The following SLIT2 variants were observed in gnomAD, a reference collection of about 807,000 sequenced individuals.
SLIT2 encodes slit guidance ligand 2.
SLIT2 carries 41 observed loss-of-function variants against 185.7 expected under a neutral mutation model. That is an observed-to-expected ratio of 0.22 (90% confidence interval 0.17 to 0.29). The LOEUF (loss-of-function observed/expected upper bound fraction) is 0.29. SLIT2 is among the 10% of genes least tolerant of loss of function. The pLI, the probability that SLIT2 is intolerant of heterozygous loss-of-function variation, is 1.00. For missense variants in SLIT2, 1,571 were observed against 1,909.0 expected, an observed-to-expected ratio of 0.82 and a Z score of 3.30; for synonymous variants, 693 against 680.2, an observed-to-expected ratio of 1.02 and a Z score of -0.29.
Position 20,467,740 on chromosome 4 carries a change from T to C in SLIT2, c.396-12T>C, listed in dbSNP as rs1482342945. On this transcript the variant is annotated splice_polypyrimidine_tract_variant and intron_variant, in intron 4 of 36. Transcript: ENST00000504154. Reference sequence around the variant, plus strand: ...TTTCTAACGTGATCCTTTTTGTTGTTGTTGTTTTTAGTGATCTCAGTGAAA... The same window carrying C: ...TTTCTAACGTGATCCTTTTTGTTGTCGTTGTTTTTAGTGATCTCAGTGAAA... 2 of 1,538,846 alleles carry C rather than the reference T, an allele frequency of 1.3e-6. No individual in the cohort carries two copies. The highest frequency in any genetic ancestry group is 1.8e-6 in the Non-Finnish European group (2 of 1,119,692).
intron 4 of SLIT2, among the ~76,000 whole-genome samples, chr4:20,463,762 G>T (rs10025733): frequency 0.18 from 26,558 of 150,118 alleles, 2,747 homozygotes; most frequent in Non-Finnish European, 0.23. Context: ...TGTAGTCCCA[G>T]CTACTTGGGA....
intron 3 of SLIT2, among the ~76,000 whole-genome samples, chr4:20,265,049 A>G (rs929173154): frequency 6.6e-6 from 1 of 151,970 alleles, no homozygotes; most frequent in African/African-American, 2.4e-5. Context: ...CCTCTGTGAT[A>G]TCTTTAATTC....
Position 20,568,996 on chromosome 4 carries a change from A to G in SLIT2, c.3080A>G (p.Glu1027Gly). The change falls in exon 29 of 37, where the codon GAG becomes GGG. Residue 1027 changes from glutamate to glycine, a missense_variant. By Grantham distance (98) the Glu-to-Gly change is moderately conservative. Coordinates refer to ENST00000504154, the MANE Select transcript of SLIT2 (RefSeq NM_004787.4). The stretch of plus-strand genomic sequence containing the variant: ...AACTACACATGCCTTTGCCCACCTG[A>G]GTATACAGGTACAAATAATAGGAAA... ...INNYTCLCPPEYTGELCEEKL... is the reference protein window; with the variant it reads ...INNYTCLCPPGYTGELCEEKL... The G allele has an allele frequency of 1.2e-6, 2 of 1,611,644 alleles. No individual in the cohort carries two copies. Among genetic ancestry groups the G allele is most frequent in the Non-Finnish European group, 1.7e-6 (2 of 1,178,184 alleles).
Position 20,254,022 on chromosome 4 carries a change from C to G in SLIT2, c.179+28C>G, listed in dbSNP as rs779279182. 1.0e-5 allele frequency: 16 copies of G among 1,588,210 alleles called. No individual in the cohort carries two copies. In the South Asian group the frequency reaches 1.2e-4, roughly 12 times the overall value. On this transcript the variant is annotated intron_variant, in intron 1 of 36. Coordinates refer to ENST00000504154, the MANE Select transcript of SLIT2 (RefSeq NM_004787.4). This position sits in a 1 kb window ranked among gnomAD's most constrained non-coding sequence, Gnocchi z 5.1. ...GAGTATGCGCTCTTCGTCTTCCCCT[C>G]TCCCCATCCGGGCCGCGCACCCCTG...
intron 9 of SLIT2, among the ~76,000 whole-genome samples, chr4:20,502,165 CTT>C (rs1718801310): frequency 6.6e-6 from 1 of 152,008 alleles, no homozygotes; most frequent in Non-Finnish European, 1.5e-5. Context: ...TAGAATCAAA[CTT>C]TTGTAATATT....
At chr4:20,615,724 G>A (rs1729599435) in intron 34 of SLIT2, 1 of 152,222 alleles carries the variant, frequency 6.6e-6, no homozygotes, top group Admixed American at 6.5e-5. Flanking sequence ...GAAAGGAGAA[G>A]GTGGCATAAG....
At chr4:20,476,251 AAGG>A (rs1339195988) in intron 5 of SLIT2, among the ~76,000 whole-genome samples, 1 of 152,130 alleles carries the variant, frequency 6.6e-6, no homozygotes, top group Non-Finnish European at 1.5e-5. Flanking sequence ...ATATGGAAAG[AAGG>A]AGAAGAGACC....
intron 4 of SLIT2, among the ~76,000 whole-genome samples, chr4:20,426,429 A>G (rs1408416004): frequency 6.6e-6 from 1 of 152,184 alleles, no homozygotes; most frequent in Non-Finnish European, 1.5e-5. Context: ...GTAGGGGAAA[A>G]ACAGTTTTGC....
At chr4:20,379,193 A>G (rs1023306225) in intron 4 of SLIT2, among the ~76,000 whole-genome samples, 1 of 152,172 alleles carries the variant, frequency 6.6e-6, no homozygotes, top group Non-Finnish European at 1.5e-5. Context: ...CATAAGACTC[A>G]TCAGTTGTAA....
At chr4:20,256,818 A>T in intron 2 of SLIT2, 75 bp downstream of exon 2, 1 of 689,094 alleles carries the variant, frequency 1.5e-6, no homozygotes, top group Non-Finnish European at 2.5e-6. Flanking sequence ...CTCAGTTTTT[A>T]TGACTATTCT....
chr4:20,452,732 C>G (rs1214367427), intron 4 of SLIT2, among the ~76,000 whole-genome samples: 3 of 152,190 alleles, frequency 2.0e-5, no homozygotes, highest in Non-Finnish European at 4.4e-5. Context: ...GTTGAATGCT[C>G]TCTGCACTTC....
At position 20,580,023 on chromosome 4, in the gene SLIT2, T is replaced by C. The variant is rs531157867; in HGVS notation, c.3089-9621T>C. 2.4e-3 allele frequency among the ~76,000 whole-genome samples: 339 copies of C among 142,514 alleles called. 2 individuals are homozygous for C. Among genetic ancestry groups the C allele is most frequent in the African/African-American group, 8.5e-3 (328 of 38,708 alleles). The allele number at this position is 142,514 out of a possible 152,430, so 93.5% of individuals were successfully genotyped here. ...ATATATCATATATAATATATTATTA[T>C]ATATAATATATATTATGTATATATT... On this transcript the variant is annotated intron_variant, in intron 29 of 36. Coordinates refer to ENST00000504154, the MANE Select transcript of SLIT2 (RefSeq NM_004787.4).
chr4:20,436,643 C>G (rs925188153), intron 4 of SLIT2, among the ~76,000 whole-genome samples: 1 of 152,158 alleles, frequency 6.6e-6, no homozygotes, highest in Non-Finnish European at 1.5e-5. Context: ...TGAAATCCAG[C>G]CTTTTTCCTG....
At chr4:20,576,574 C>T (rs1560208930) in intron 29 of SLIT2, among the ~76,000 whole-genome samples, 1 of 152,036 alleles carries the variant, frequency 6.6e-6, no homozygotes, top group African/African-American at 2.4e-5. Context: ...ATATCAAGGT[C>T]GTTATAGTTG....
intron 9 of SLIT2, among the ~76,000 whole-genome samples, chr4:20,498,420 A>G (rs1403585213): frequency 6.6e-6 from 1 of 152,212 alleles, no homozygotes; most frequent in Non-Finnish European, 1.5e-5. Context: ...TGGCAACACA[A>G]TCATTAATAG....
chr4:20,297,384 C>T (rs1308618310), intron 4 of SLIT2, among the ~76,000 whole-genome samples: 2 of 152,110 alleles, frequency 1.3e-5, no homozygotes, highest in African/African-American at 4.8e-5. Flanking sequence ...TAATGATTGC[C>T]TCAGAGTCTA....
At chr4:20,515,239 A>G (rs1720095512) in intron 11 of SLIT2, among the ~76,000 whole-genome samples, 3 of 152,206 alleles carry the variant, frequency 2.0e-5, no homozygotes, top group Non-Finnish European at 1.5e-5. Flanking sequence ...TGGCTTTGTT[A>G]CGGAGTAAAC....
intron 4 of SLIT2, among the ~76,000 whole-genome samples, chr4:20,433,900 C>G (rs180726856): frequency 6.6e-6 from 1 of 151,964 alleles, no homozygotes; most frequent in Non-Finnish European, 1.5e-5. Flanking sequence ...TAATTCTGAC[C>G]CCCCCAAATC....
chr4:20,619,512 T>C lies in SLIT2; in HGVS notation c.*503T>C, dbSNP rs1291501198. 1 of 152,184 alleles carries C rather than the reference T, an allele frequency of 6.6e-6. No homozygotes were observed. Among genetic ancestry groups the C allele is most frequent in the Non-Finnish European group, 1.5e-5 (1 of 68,044 alleles). The allele number at this position is 152,184 out of a possible 1,614,324, so 9.4% of individuals were successfully genotyped here. A position where few individuals can be genotyped will look rare whatever the true frequency, so the allele number is the denominator to read the frequency against. On this transcript the variant is annotated 3_prime_UTR_variant, in exon 37 of 37. Coordinates refer to ENST00000504154, the MANE Select transcript of SLIT2 (RefSeq NM_004787.4). The stretch of plus-strand genomic sequence containing the variant: ...GATGAGAAATATTTCATGCAAAATA[T>C]AAAGTGTCCTGAGGATCTGGGTTCC...
Sources: gnomAD v4.1 joint callset for allele counts (sites outside exome capture counted in the v4.1 genomes callset) on GRCh38, gnomAD v4.1.1 for gene constraint, Gnocchi (gnomAD v3.1) non-coding constraint, MANE v1.5 for transcripts, NCBI Gene and HGNC (gene_info 2026-07-23, HGNC 2026-07-21) for gene names.